Variants in TMEM39A observed in about 807,000 individuals in gnomAD.
The protein encoded by TMEM39A is suppressor of SQST-1 aggregates in rpl-43 mutants.
TMEM39A carries 19 observed loss-of-function variants against 51.9 expected under a neutral mutation model. The observed-to-expected ratio is 0.37, with a 90% CI of 0.26 to 0.54. TMEM39A has a LOEUF of 0.54. Among genes scored for constraint, TMEM39A ranks in the 20% least tolerant of loss-of-function variants. The pLI is 0.88. For synonymous variants in TMEM39A, 197 were observed against 220.2 expected (o/e 0.89, Z 0.93); for missense variants, 433 against 590.5 (o/e 0.73, Z 2.76).
intron 4 of TMEM39A, among the ~76,000 whole-genome samples, chr3:119,447,387 T>C (rs1652764124): frequency 6.6e-6 from 1 of 151,860 alleles, no homozygotes; most frequent in Admixed American, 6.6e-5. Context: ...ACCCCGAGAG[T>C]GCCATCTACA....
At chr3:119,443,860 G>A (rs1031933395) in intron 5 of TMEM39A, among the ~76,000 whole-genome samples, 2 of 151,816 alleles carry the variant, frequency 1.3e-5, no homozygotes, top group Non-Finnish European at 2.9e-5. Context: ...AGCTGTGATT[G>A]CACCACTGCA....
rs190179362 is a variant in TMEM39A, at chr3:119,446,966, C to T, written c.575+52G>A. On this transcript the variant is annotated intron_variant, in intron 5 of 8. Transcript: ENST00000319172. ...CTCTTAAAAGTATCGTTTACGTGAC[C>T]GAAATAATTTCTAAAGATTTACTAA... 1.9e-4 allele frequency: 296 copies of T among 1,562,046 alleles called. 3 individuals carry two copies. The East Asian group carries it at 4.5e-3, about 24-fold the overall frequency.
Position 119,428,970 on chromosome 3 carries a change from A to G in TMEM39A, c.*3011T>C, listed in dbSNP as rs1029792227. Reference sequence around the variant, plus strand: ...CTGCTTATTTGAAGTACTTATGAAAAGAGCACTTTATTGGGCTTCACACTC... The same window carrying G: ...CTGCTTATTTGAAGTACTTATGAAAGGAGCACTTTATTGGGCTTCACACTC... On this transcript the variant is annotated 3_prime_UTR_variant, in exon 9 of 9. Transcript: ENST00000319172. Among the ~76,000 whole-genome samples, 1 of 152,146 alleles carries G rather than the reference A, an allele frequency of 6.6e-6. No individual in the cohort carries two copies.
intron 4 of TMEM39A, among the ~76,000 whole-genome samples, chr3:119,450,826 CAAAA>C (rs60326718): frequency 3.6e-5 from 2 of 55,900 alleles, no homozygotes; most frequent in Non-Finnish European, 6.1e-5. Flanking sequence ...GACTCCATCT[CAAAA>C]AAAAAAAAAA....
chr3:119,440,678 G>A (rs567656844), intron 5 of TMEM39A, among the ~76,000 whole-genome samples: 6 of 152,278 alleles, frequency 3.9e-5, no homozygotes, highest in South Asian at 2.1e-4. Context: ...TGTTGCTATT[G>A]TCATAATCTA....
rs1015843475 is a variant in TMEM39A at position 119,429,079 on chromosome 3, T to C, written c.*2902A>G. Among the ~76,000 whole-genome samples, 1 of 152,104 alleles carries C rather than the reference T, an allele frequency of 6.6e-6. No homozygotes were observed. Among genetic ancestry groups the C allele is most frequent in the African/African-American group, 2.4e-5 (1 of 41,440 alleles). ...CACCCTAGTGTGACAACTGGTTTAC[T>C]TGTCTGTCTTCTATTAGTTAATGAA... On this transcript the variant is annotated 3_prime_UTR_variant, in exon 9 of 9. Coordinates refer to ENST00000319172, the MANE Select transcript of TMEM39A (RefSeq NM_018266.3).
At chr3:119,432,322 TATA>T (rs1452004233) in intron 8 of TMEM39A, 108 bp from the exon 9 acceptor site, 4 of 722,390 alleles carry the variant, frequency 5.5e-6, no homozygotes, top group Admixed American at 3.0e-5. Context: ...GGTTCCCATA[TATA>T]ATAATAAATA....
In TMEM39A at chr3:119,431,845, C is replaced by A; in HGVS notation, c.*136G>T. ...TTGTTTACGGATACATTTAATATCC[C>A]TTACTCTTCCCGACTTTCAAAACAT... On this transcript the variant is annotated 3_prime_UTR_variant, in exon 9 of 9. Transcript: ENST00000319172. 1 of 591,564 alleles carries A rather than the reference C, an allele frequency of 1.7e-6. No individual in the cohort carries two copies. Among genetic ancestry groups the A allele is most frequent in the Non-Finnish European group, 2.8e-6 (1 of 358,562 alleles). The allele number at this position is 591,564 out of a possible 1,614,324, so 36.6% of individuals were successfully genotyped here.
intron 5 of TMEM39A, among the ~76,000 whole-genome samples, chr3:119,446,315 G>T (rs62263406): frequency 6.6e-6 from 1 of 151,978 alleles, no homozygotes; most frequent in Non-Finnish European, 1.5e-5. Flanking sequence ...TAAAGGTCAC[G>T]TGAACACAAG....
chr3:119,442,871 G>C (rs565404125), intron 5 of TMEM39A, among the ~76,000 whole-genome samples: 11 of 152,110 alleles, frequency 7.2e-5, no homozygotes, highest in African/African-American at 2.7e-4. Context: ...ACCAGCCTAG[G>C]CAACATAGCA....
rs568060685 is a variant in TMEM39A, at chr3:119,430,728, C to G, written c.*1253G>C. ...CTCACAATACTTCCCCTTGGTGAAG[C>G]CTTTCAGGAACTCTTCTGCAAGAAT... On this transcript the variant is annotated 3_prime_UTR_variant, in exon 9 of 9. Transcript: ENST00000319172. 11 of 152,226 alleles carry G rather than the reference C, an allele frequency of 7.2e-5. No homozygotes were observed. In the South Asian group the frequency reaches 8.3e-4, roughly 11 times the overall value. The allele number at this position is 152,226 out of a possible 1,614,324, so 9.4% of individuals were successfully genotyped here. A position where few individuals can be genotyped will look rare whatever the true frequency, so the allele number is the denominator to read the frequency against.
chr3:119,458,963 C>T (rs1024998547), intron 2 of TMEM39A, among the ~76,000 whole-genome samples: 10 of 152,170 alleles, frequency 6.6e-5, no homozygotes, highest in African/African-American at 2.4e-4. Flanking sequence ...TATAAATTCT[C>T]TAGCAATGAG....
At chr3:119,454,868 G>A (rs1042568763) in intron 3 of TMEM39A, among the ~76,000 whole-genome samples, 2 of 152,094 alleles carry the variant, frequency 1.3e-5, no homozygotes, top group Admixed American at 1.3e-4. Flanking sequence ...AATGAAAATG[G>A]TAATGTGCTT....
intron 2 of TMEM39A, among the ~76,000 whole-genome samples, chr3:119,461,594 C>A (rs1169749323): frequency 6.6e-6 from 1 of 152,170 alleles, no homozygotes; most frequent in Non-Finnish European, 1.5e-5. Context: ...AATTTAAAAT[C>A]CTTGATGGAA....
intron 4 of TMEM39A, among the ~76,000 whole-genome samples, chr3:119,449,878 C>T (rs986993073): frequency 1.1e-4 from 16 of 152,268 alleles, no homozygotes; most frequent in African/African-American, 3.4e-4. Flanking sequence ...GGTGAATAAA[C>T]GGACTCTACC....
intron 3 of TMEM39A, among the ~76,000 whole-genome samples, chr3:119,456,457 A>C (rs935435537): frequency 3.1e-4 from 47 of 152,344 alleles, no homozygotes; most frequent in African/African-American, 9.4e-4. Context: ...AAAAATTTTT[A>C]TTCTCTTTCC....
At chr3:119,455,034 G>A (rs2081246879) in intron 3 of TMEM39A, among the ~76,000 whole-genome samples, 1 of 152,084 alleles carries the variant, frequency 6.6e-6, no homozygotes, top group Non-Finnish European at 1.5e-5. Context: ...ACATATTCAG[G>A]TGTCCACATT....
At chr3:119,435,072 G>A in intron 7 of TMEM39A, 190 bp from the exon 8 acceptor site, 3 of 973,268 alleles carry the variant, frequency 3.1e-6, no homozygotes, top group Non-Finnish European at 3.7e-6. Context: ...TAACTTCATT[G>A]CTATATAGTA....
At chr3:119,462,633 AG>A (rs1200172060) in intron 1 of TMEM39A, among the ~76,000 whole-genome samples, 119 of 2,266 alleles carry the variant, frequency 0.053, 11 homozygotes, top group Non-Finnish European at 0.062. Flanking sequence ...TGTTTCTTCA[AG>A]GGGGGGGGGC....
Sources: gnomAD v4.1 joint callset for allele counts (sites outside exome capture counted in the v4.1 genomes callset) on GRCh38, gnomAD v4.1.1 for gene constraint, MANE v1.5 for transcripts, NCBI Gene and HGNC (gene_info 2026-07-23, HGNC 2026-07-21) for gene names.